Variants in DNAH17 observed in about 807,000 individuals in gnomAD.
DNAH17 encodes the protein axonemal beta dynein heavy chain 17.
DNAH17 carries 376 observed loss-of-function variants against 485.6 expected under a neutral mutation model. The ratio of observed to expected loss-of-function variants is 0.77; its 90% CI spans 0.71 to 0.84. The LOEUF is 0.84. DNAH17 is among the 40% of genes least tolerant of loss of function. The pLI is 0.00. For synonymous variants in DNAH17, 3,031 were observed against 2,405.9 expected (o/e 1.26, Z -7.60); for missense variants, 6,370 against 5,839.3 (o/e 1.09, Z -2.96).
chr17:78,521,523 ACTC>A (rs2090934157), intron 25 of DNAH17, among the ~76,000 whole-genome samples: 1 of 152,068 alleles, frequency 6.6e-6, no homozygotes, highest in Non-Finnish European at 1.5e-5. Flanking sequence ...AATAAACCTC[ACTC>A]CTTATACAAA....
rs145397401 is a variant in DNAH17, at chr17:78,530,935, G to A, written c.3115-423C>T. ...CTGGGCATGGGTCACCCTTGCCCAC[G>A]GGGCCCTCTTTCTCACTGTGCATTG... On this transcript the variant is annotated intron_variant, in intron 20 of 80. Transcript: ENST00000389840. Among the ~76,000 whole-genome samples, 27 of 152,320 alleles carry A rather than the reference G, an allele frequency of 1.8e-4. No homozygotes were observed. In the East Asian group the frequency reaches 3.3e-3, roughly 19 times the overall value.
At position 78,538,212 on chromosome 17, in the gene DNAH17, G is replaced by C. The variant is rs114607519; in HGVS notation, c.2677-731C>G. Among the ~76,000 whole-genome samples, 627 of 150,274 alleles carry C rather than the reference G, an allele frequency of 4.2e-3. 1 individual carries two copies. The highest frequency in any genetic ancestry group is 8.4e-3 in the Admixed American group (126 of 15,074). ...TTCTGGGTTACTACAGGGGCTAAATGAATCACTGACACACAAAGCAGGTAC... is the reference window on the plus strand; with the variant it reads ...TTCTGGGTTACTACAGGGGCTAAATCAATCACTGACACACAAAGCAGGTAC... On this transcript the variant is annotated intron_variant, in intron 18 of 80. Transcript: ENST00000389840.
chr17:78,509,478 C>G (rs970626361), intron 27 of DNAH17, among the ~76,000 whole-genome samples: 2 of 152,202 alleles, frequency 1.3e-5, no homozygotes, highest in South Asian at 2.1e-4. Context: ...ACACTTTAAA[C>G]AGGCGAACTG....
Position 78,514,806 on chromosome 17 carries a change from G to A in DNAH17, c.4081C>T (p.Arg1361Cys), listed in dbSNP as rs200427893. Residue 1361 changes from arginine (R) to cysteine (C), a missense_variant, in exon 26 of 81, where the codon CGC (arginine) becomes TGC (cysteine). Coordinates refer to ENST00000389840, the MANE Select transcript of DNAH17 (RefSeq NM_173628.4). The part of the protein sequence containing the change: ...SELQNPAIRE[R>C]HWQQLMQATQ... ...GCCTGCATGAGCTGCTGCCAGTGGC[G>A]TTCCCGAATGGCAGGGTTCTGCAGC... 4.0e-5 allele frequency: 65 copies of A among 1,613,904 alleles called. 1 individual carries two copies. Among genetic ancestry groups the A allele is most frequent in the Admixed American group, 3.2e-4 (19 of 60,002 alleles).
rs1417083986 is a variant in DNAH17 at position 78,487,832 on chromosome 17, C to T, written c.6819-1326G>A. ...GAGGCACTGTGCTTGGCCAGACACA[C>T]ACTCTTCTGTGAGTGTGCTCTGGGG... is the stretch of plus-strand genomic sequence containing the variant. On this transcript the variant is annotated intron_variant, in intron 44 of 80. Coordinates refer to ENST00000389840, the MANE Select transcript of DNAH17 (RefSeq NM_173628.4). Among the ~76,000 whole-genome samples, 9 of 152,184 alleles carry T rather than the reference C, an allele frequency of 5.9e-5. No individual in the cohort carries two copies. In the South Asian group the frequency reaches 8.3e-4, roughly 14 times the overall value.
chr17:78,523,644 G>A (rs2090990483), intron 25 of DNAH17, among the ~76,000 whole-genome samples: 1 of 152,250 alleles, frequency 6.6e-6, no homozygotes, highest in Non-Finnish European at 1.5e-5. Context: ...GGAGGCTGAT[G>A]CCTGTAATAC....
intron 29 of DNAH17, 130 bp downstream of exon 29, chr17:78,507,148 G>A (rs2090507472): frequency 9.4e-7 from 1 of 1,060,598 alleles, no homozygotes; most frequent in Non-Finnish European, 1.3e-6. Flanking sequence ...AAAGGCAATT[G>A]ATTAACCCAG....
intron 17 of DNAH17, among the ~76,000 whole-genome samples, chr17:78,542,693 CAT>C (rs1486702609): frequency 1.3e-5 from 2 of 152,306 alleles, no homozygotes; most frequent in East Asian, 3.9e-4. Context: ...CTGGTAGGGA[CAT>C]AGAGTCATAT....
At chr17:78,534,040 C>A (rs1043754912) in intron 19 of DNAH17, among the ~76,000 whole-genome samples, 1 of 152,216 alleles carries the variant, frequency 6.6e-6, no homozygotes, top group African/African-American at 2.4e-5. Context: ...CCAGGAAGAG[C>A]CGGCCTTTCC....
At position 78,494,774 on chromosome 17, in the gene DNAH17, A is replaced by G. The variant is rs1456293330; in HGVS notation, c.6089T>C (p.Val2030Ala). 8.7e-6 allele frequency: 14 copies of G among 1,613,126 alleles called. No homozygotes were observed. Among genetic ancestry groups the G allele is most frequent in the African/African-American group, 1.3e-5 (1 of 74,904 alleles). The change falls in exon 40 of 81, where the codon GTG becomes GCG. Residue 2030 changes from valine (V) to alanine (A), a missense_variant. Transcript: ENST00000389840. ...GTCGCCCCTCTTCAGGGAGCCGGCC[A>G]CCACCAGCACAGACTTGATGGCTCT... ...GLRAIKSVLV[V>A]AGSLKRGDPS...
rs557988732 is a variant in DNAH17, at chr17:78,461,645, C to T, written c.9238G>A (p.Ala3080Thr). Residue 3080 changes from alanine to threonine, a missense_variant, in exon 58 of 81, where the codon GCA (alanine) becomes ACA (threonine). Coordinates refer to ENST00000389840, the MANE Select transcript of DNAH17 (RefSeq NM_173628.4). ...EAELKQKNES[A>T]DQLIQVVGIE... ...CCGACCACCTGGATCAGTTGGTCTG[C>T]GCTCTCATTCTTCTGCTTGAGCTCA... 68 of 1,611,830 alleles carry T rather than the reference C, an allele frequency of 4.2e-5. No individual in the cohort carries two copies. The Admixed American group carries it at 4.7e-4, about 11-fold the overall frequency.
chr17:78,515,515 A>C (rs2090757503), intron 25 of DNAH17, among the ~76,000 whole-genome samples: 1 of 142,604 alleles, frequency 7.0e-6, no homozygotes, highest in African/African-American at 2.5e-5. Flanking sequence ...TCTCAAAAAA[A>C]ATAAATAAAA....
At chr17:78,451,755 C>T (rs2087564467) in intron 65 of DNAH17, 82 bp from the exon 66 acceptor site, 2 of 1,272,046 alleles carry the variant, frequency 1.6e-6, no homozygotes, top group Non-Finnish European at 2.2e-6. Context: ...CCTTTCACCC[C>T]AGCCCCAGGC....
chr17:78,539,650 G>A lies in DNAH17; in HGVS notation c.2676+87C>T, dbSNP rs1305148345. On this transcript the variant is annotated intron_variant, in intron 18 of 80. Transcript: ENST00000389840. ...TAATAAGTCTATTTATAAAATGATAGCCTGTTCATCAAGAAACTAGAAACT... is the reference window on the plus strand; with the variant it reads ...TAATAAGTCTATTTATAAAATGATAACCTGTTCATCAAGAAACTAGAAACT... The A allele has an allele frequency of 5.3e-6, 6 of 1,135,010 alleles. No homozygotes were observed. The African/African-American group carries it at 6.4e-5, about 12-fold the overall frequency. The allele number at this position is 1,135,010 out of a possible 1,614,324, so 70.3% of individuals were successfully genotyped here.
At position 78,494,047 on chromosome 17, in the gene DNAH17, C is replaced by T. The variant is rs778113807; in HGVS notation, c.6397G>A (p.Gly2133Ser). The T allele has an allele frequency of 3.1e-6, 5 of 1,612,230 alleles. No individual in the cohort carries two copies. The highest frequency in any genetic ancestry group is 2.2e-5 in the East Asian group (1 of 44,866). ...AGCGGGTGACACACCTGAGATTTGCCGCTGCCCGCATTCCCGACGATGAAC... is the reference window on the plus strand; with the variant it reads ...AGCGGGTGACACACCTGAGATTTGCTGCTGCCCGCATTCCCGACGATGAAC... ...SVFIVGNAGS[G>S]KSQVLKSLNK... Residue 2133 changes from glycine to serine, a missense_variant, in exon 41 of 81, where the codon GGC becomes AGC. Transcript: ENST00000389840.
chr17:78,449,657 CTGCCACCT>C, intron 68 of DNAH17, 73 bp from the exon 69 acceptor site: 1 of 1,303,528 alleles, frequency 7.7e-7, no homozygotes, highest in Non-Finnish European at 1.1e-6. Context: ...CCACCACTCC[CTGCCACCT>C]GTGGTGGCCT....
At chr17:78,475,644 T>C (rs766533598) in intron 53 of DNAH17, 25 bp downstream of exon 53, 3 of 1,612,192 alleles carry the variant, frequency 1.9e-6, no homozygotes, top group Non-Finnish European at 2.5e-6. Flanking sequence ...TCCCGTGCCC[T>C]TGCTATCAGC....
At chr17:78,514,533 A>G (rs911515394) in intron 26 of DNAH17, among the ~76,000 whole-genome samples, 2 of 151,826 alleles carry the variant, frequency 1.3e-5, no homozygotes, top group Non-Finnish European at 2.9e-5. Context: ...GAAAAAGAAA[A>G]TTACTAAGAA....
intron 26 of DNAH17, among the ~76,000 whole-genome samples, chr17:78,513,524 C>T (rs2090693360): frequency 6.6e-6 from 1 of 152,136 alleles, no homozygotes; most frequent in African/African-American, 2.4e-5. Flanking sequence ...CAACCTCCAC[C>T]TCCCAGGTTC....
Sources: allele counts gnomAD v4.1 joint callset (sites outside exome capture counted in the v4.1 genomes callset), GRCh38; gene constraint gnomAD v4.1.1; transcripts MANE v1.5; gene names NCBI Gene and HGNC (gene_info 2026-07-23, HGNC 2026-07-21).